Variants in ST6GAL1 observed in about 807,000 individuals in gnomAD.
ST6GAL1 encodes ST6 beta-galactoside alpha-2,6-sialyltransferase 1.
Under a neutral mutation model 38.0 loss-of-function variants are expected in ST6GAL1, and 20 were observed. The observed-to-expected ratio is 0.53, with a 90% confidence interval of 0.37 to 0.77. ST6GAL1 has a LOEUF of 0.77. ST6GAL1 is among the 30% of genes least tolerant of loss of function. ST6GAL1 has a pLI of 0.00. For missense variants in ST6GAL1, 432 were observed against 496.4 expected, an observed-to-expected ratio of 0.87 and a Z score of 1.23; for synonymous variants, 196 against 188.2, an observed-to-expected ratio of 1.04 and a Z score of -0.34.
chr3:187,030,397 G>GT (rs1457382495), intron 2 of ST6GAL1, among the ~76,000 whole-genome samples: 1 of 152,178 alleles, frequency 6.6e-6, no homozygotes, highest in Admixed American at 6.5e-5. Flanking sequence ...TGTGGCTCCA[G>GT]TGAGTAGAGC....
rs1005146864 is a variant in ST6GAL1, at chr3:187,076,059, A to G, written c.*256A>G. On this transcript the variant is annotated 3_prime_UTR_variant, in exon 8 of 8. Transcript: ENST00000169298. Reference sequence around the variant, plus strand: ...ATATCTAGCATTCTTTCCAGACAGCATCCTCCCCGCCTTCCACCTTGGTAG... The same window carrying G: ...ATATCTAGCATTCTTTCCAGACAGCGTCCTCCCCGCCTTCCACCTTGGTAG... 2 of 471,350 alleles carry G rather than the reference A, an allele frequency of 4.2e-6. No individual in the cohort carries two copies. The highest frequency in any genetic ancestry group is 3.9e-5 in the African/African-American group (2 of 51,488). The allele number at this position is 471,350 out of a possible 1,614,324, so 29.2% of individuals were successfully genotyped here.
intron 5 of ST6GAL1, among the ~76,000 whole-genome samples, chr3:187,061,918 C>T (rs531530466): frequency 6.6e-6 from 1 of 152,212 alleles, no homozygotes; most frequent in East Asian, 1.9e-4. Context: ...AAGATACTCT[C>T]AACAGAGTAA....
At chr3:186,974,415 C>A (rs1715453233) in intron 2 of ST6GAL1, among the ~76,000 whole-genome samples, 1 of 152,092 alleles carries the variant, frequency 6.6e-6, no homozygotes, top group Non-Finnish European at 1.5e-5. Context: ...GAACAGTGAG[C>A]CACCATGGAC....
At chr3:187,049,849 G>A (rs1718449214) in intron 4 of ST6GAL1, among the ~76,000 whole-genome samples, 1 of 152,120 alleles carries the variant, frequency 6.6e-6, no homozygotes, top group African/African-American at 2.4e-5. Context: ...AATCCCTTTC[G>A]AACCAGTGAC....
chr3:187,030,979 G>T (rs926625236), intron 2 of ST6GAL1, among the ~76,000 whole-genome samples: 1 of 152,126 alleles, frequency 6.6e-6, no homozygotes, highest in African/African-American at 2.4e-5. Flanking sequence ...AGTGGGCAGT[G>T]GGGAGGGATG....
At chr3:186,939,224 C>T (rs1031627724) in intron 1 of ST6GAL1, among the ~76,000 whole-genome samples, 29 of 152,112 alleles carry the variant, frequency 1.9e-4, no homozygotes, top group Admixed American at 9.2e-4. Context: ...CAGGCATGCA[C>T]CACCACACCC....
At chr3:186,963,564 T>C (rs562361558) in intron 1 of ST6GAL1, among the ~76,000 whole-genome samples, 2 of 152,332 alleles carry the variant, frequency 1.3e-5, no homozygotes, top group East Asian at 3.9e-4. Flanking sequence ...ATTCCACGAC[T>C]GTAGCAGAGT....
chr3:187,060,397 G>A (rs987660868), intron 5 of ST6GAL1, among the ~76,000 whole-genome samples: 2 of 152,166 alleles, frequency 1.3e-5, no homozygotes, highest in Non-Finnish European at 2.9e-5. Flanking sequence ...CTGACCTCAG[G>A]TGATCCACCT....
intron 6 of ST6GAL1, 124 bp downstream of exon 6, chr3:187,073,071 T>C: frequency 1.4e-6 from 1 of 701,198 alleles, no homozygotes; most frequent in South Asian, 1.7e-5. Context: ...TATTTGAGTT[T>C]TAGGGTACCC....
At chr3:186,933,744 A>G (rs1395144308) in intron 1 of ST6GAL1, among the ~76,000 whole-genome samples, 2 of 152,232 alleles carry the variant, frequency 1.3e-5, no homozygotes, top group African/African-American at 4.8e-5. Context: ...TTTTTGCGTA[A>G]AAGGGAAATG....
chr3:186,991,771 T>C (rs1716176977), intron 2 of ST6GAL1, among the ~76,000 whole-genome samples: 1 of 152,246 alleles, frequency 6.6e-6, no homozygotes, highest in Non-Finnish European at 1.5e-5. Flanking sequence ...ACTCCACTGC[T>C]GGGGGCAGAG....
At chr3:186,934,303 G>A (rs1713862123) in intron 1 of ST6GAL1, among the ~76,000 whole-genome samples, 1 of 152,158 alleles carries the variant, frequency 6.6e-6, no homozygotes, top group African/African-American at 2.4e-5. Flanking sequence ...TCAGGAGGCC[G>A]AGGAGGGAAG....
At chr3:186,939,583 A>AAATGAGATTAAATTG (rs1714089653) in intron 1 of ST6GAL1, among the ~76,000 whole-genome samples, 1 of 152,226 alleles carries the variant, frequency 6.6e-6, no homozygotes, top group South Asian at 2.1e-4. Flanking sequence ...TAAATGAGAT[A>AAATGAGATTAAATTG]ACCCATGTGA....
chr3:186,939,993 A>G (rs1002169875), intron 1 of ST6GAL1, among the ~76,000 whole-genome samples: 1 of 152,180 alleles, frequency 6.6e-6, no homozygotes, highest in Non-Finnish European at 1.5e-5. Context: ...TGTTACACCC[A>G]AGTAGGAATT....
intron 5 of ST6GAL1, among the ~76,000 whole-genome samples, chr3:187,057,449 C>G (rs1205058018): frequency 6.6e-6 from 1 of 152,106 alleles, no homozygotes; most frequent in Non-Finnish European, 1.5e-5. Flanking sequence ...GTTTTATCTA[C>G]CTTTGGTTTT....
At chr3:187,009,722 G>C (rs1716895469) in intron 2 of ST6GAL1, among the ~76,000 whole-genome samples, 1 of 152,160 alleles carries the variant, frequency 6.6e-6, no homozygotes, top group Non-Finnish European at 1.5e-5. Context: ...GTGACCCATT[G>C]TGGCTGGGCA....
chr3:187,041,267 G>C (rs1316871550), intron 3 of ST6GAL1, among the ~76,000 whole-genome samples: 4 of 152,146 alleles, frequency 2.6e-5, no homozygotes, highest in African/African-American at 9.7e-5. Flanking sequence ...TAAGAACCCA[G>C]GTTTTGTGAA....
At chr3:186,947,076 G>C (rs1161538381) in intron 1 of ST6GAL1, among the ~76,000 whole-genome samples, 3 of 152,142 alleles carry the variant, frequency 2.0e-5, no homozygotes, top group Non-Finnish European at 4.4e-5. Context: ...GGCATGTCTG[G>C]GGTTACTGGG....
At chr3:187,053,980 A>C (rs1184651431) in intron 5 of ST6GAL1, among the ~76,000 whole-genome samples, 1 of 152,140 alleles carries the variant, frequency 6.6e-6, no homozygotes, top group African/African-American at 2.4e-5. Context: ...TTTGTTGAGC[A>C]GTGGTTTGTA....
Sources: gnomAD v4.1 joint callset for allele counts (sites outside exome capture counted in the v4.1 genomes callset) on GRCh38, gnomAD v4.1.1 for gene constraint, MANE v1.5 for transcripts, NCBI Gene and HGNC (gene_info 2026-07-23, HGNC 2026-07-21) for gene names.